The following TOGARAM1 variants were observed in gnomAD, a reference collection of about 807,000 sequenced individuals.
TOGARAM1 encodes the protein TOG array regulator of axonemal microtubules 1.
Under a neutral mutation model 166.6 loss-of-function variants are expected in TOGARAM1, and 100 were observed. That is an observed-to-expected ratio of 0.60 (90% CI 0.51 to 0.71). The LOEUF is 0.71. Among genes scored for constraint, TOGARAM1 ranks in the 30% least tolerant of loss-of-function variants. TOGARAM1 has a pLI of 0.00. For missense variants in TOGARAM1, 2,029 were observed against 2,102.7 expected (o/e 0.96, Z 0.69); for synonymous variants, 758 against 763.8 (o/e 0.99, Z 0.13).
chr14:44,981,650 A>T (rs1225963713), intron 1 of TOGARAM1, among the ~76,000 whole-genome samples: 9 of 152,168 alleles, frequency 5.9e-5, no homozygotes, highest in Non-Finnish European at 4.4e-5. Flanking sequence ...CATGCTCATT[A>T]TAGAAAATTT....
intron 11 of TOGARAM1, among the ~76,000 whole-genome samples, chr14:45,043,240 C>T (rs180857714): frequency 1.4e-3 from 213 of 151,652 alleles, no homozygotes; most frequent in Admixed American, 2.4e-3. Flanking sequence ...TGCAGTGGTG[C>T]GATCTTGGCT....
chr14:44,990,355 G>A (rs1361285331), intron 1 of TOGARAM1, among the ~76,000 whole-genome samples: 1 of 152,176 alleles, frequency 6.6e-6, no homozygotes, highest in Non-Finnish European at 1.5e-5. Context: ...ACATATCTTT[G>A]TGTATTATAT....
rs1017199239 is a variant in TOGARAM1 at position 45,068,413 on chromosome 14, T to C, written c.4750-11T>C. ...CATTTTACTTTAAATAATTTACCAA[T>C]TTATTTTCAGATTTTTGATGCTTTT... On this transcript the variant is annotated splice_polypyrimidine_tract_variant and intron_variant, in intron 17 of 19. Transcript: ENST00000361462. 3 of 1,567,994 alleles carry C rather than the reference T, an allele frequency of 1.9e-6. No individual in the cohort carries two copies. Among genetic ancestry groups the C allele is most frequent in the Admixed American group, 3.5e-5 (2 of 57,264 alleles).
rs781263117 is a variant in TOGARAM1, at chr14:44,964,098, A to G, written c.1677A>G (p.Gln559=). The stretch of plus-strand genomic sequence containing the variant: ...AAGCTGTGGATACAGTTGAACTGCA[A>G]GATAATGGAGATGGAGTGATGAATG... ...LFKAVDTVEL[Q]DNGDGVMNAV... The change falls in exon 1 of 20, where the codon CAA becomes CAG. Residue 559 remains glutamine, a synonymous_variant. Transcript: ENST00000361462. 3.7e-6 allele frequency: 6 copies of G among 1,614,236 alleles called. No homozygotes were observed. Among genetic ancestry groups the G allele is most frequent in the Non-Finnish European group, 5.1e-6 (6 of 1,180,048 alleles).
intron 7 of TOGARAM1, among the ~76,000 whole-genome samples, chr14:45,025,042 A>G (rs947254466): frequency 6.6e-6 from 1 of 152,234 alleles, no homozygotes; most frequent in African/African-American, 2.4e-5. Context: ...TCAAAACTAG[A>G]CATAGATCCT....
In TOGARAM1 at chr14:45,004,084, A is replaced by G; in HGVS notation, c.2362A>G (p.Ser788Gly). Residue 788 changes from serine (S) to glycine (G), a missense_variant, in exon 4 of 20, where the codon AGT becomes GGT. By Grantham distance (56) the Ser-to-Gly change is moderately conservative. Around this residue, in one of 2 missense-constraint regions of TOGARAM1, gnomAD observed 1,453 missense variants for 1,432.2 expected, o/e 1.01. Transcript: ENST00000361462. ...EKVYASLNFG[S>G]KTQQTFGSQT... Reference sequence around the variant, plus strand: ...AGTGTATGCTAGCCTCAATTTTGGCAGTAAGACACAGCAAACATTTGGTAG... The same window carrying G: ...AGTGTATGCTAGCCTCAATTTTGGCGGTAAGACACAGCAAACATTTGGTAG... 1 of 1,614,040 alleles carries G rather than the reference A, an allele frequency of 6.2e-7. No homozygotes were observed. Among genetic ancestry groups the G allele is most frequent in the Non-Finnish European group, 8.5e-7 (1 of 1,179,962 alleles).
chr14:44,997,395 A>T (rs1249796906), intron 2 of TOGARAM1: 3 of 127,424 alleles, frequency 2.4e-5, no homozygotes, highest in African/African-American at 9.7e-5. Flanking sequence ...ACAAAGCAAG[A>T]CTCCATCTCA....
intron 1 of TOGARAM1, among the ~76,000 whole-genome samples, chr14:44,984,914 G>A (rs1219789258): frequency 6.6e-6 from 1 of 152,064 alleles, no homozygotes; most frequent in Non-Finnish European, 1.5e-5. Context: ...TTTGTACCTA[G>A]GAAAATGTCA....
At chr14:45,012,191 T>C (rs1336120186) in intron 7 of TOGARAM1, 116 bp downstream of exon 7, 3 of 613,604 alleles carry the variant, frequency 4.9e-6, no homozygotes, top group Non-Finnish European at 2.7e-6. Context: ...TTAAGACTAA[T>C]CATTTTTTTA....
At chr14:44,966,734 G>C (rs890855704) in intron 1 of TOGARAM1, among the ~76,000 whole-genome samples, 6 of 151,506 alleles carry the variant, frequency 4.0e-5, no homozygotes, top group African/African-American at 1.5e-4. Context: ...TTGGACGATT[G>C]CTTGAGGCCA....
chr14:45,006,098 C>T lies in TOGARAM1; in HGVS notation c.2735C>T (p.Pro912Leu). 1 of 1,613,912 alleles carries T rather than the reference C, an allele frequency of 6.2e-7. No homozygotes were observed. The highest frequency in any genetic ancestry group is 8.5e-7 in the Non-Finnish European group (1 of 1,179,874). The part of the protein sequence containing the change: ...SSRRGLNGTK[P>L]VPPIPRGISL... ...CGACGAGGTCTAAATGGGACAAAGCCTGTTCCTCCCATACCAAGGGGAATA... is the reference window on the plus strand; with the variant it reads ...CGACGAGGTCTAAATGGGACAAAGCTTGTTCCTCCCATACCAAGGGGAATA... Residue 912 changes from proline (P) to leucine (L), a missense_variant, in exon 5 of 20, where the codon CCT (proline) becomes CTT (leucine). Pro to Leu is a moderately conservative substitution (Grantham distance 98). Transcript: ENST00000361462.
At chr14:45,045,543 G>GTGTA (rs1457434775) in intron 13 of TOGARAM1, among the ~76,000 whole-genome samples, 31 of 38,888 alleles carry the variant, frequency 8.0e-4, no homozygotes, top group Non-Finnish European at 9.9e-4. Flanking sequence ...GTCTGTGTGT[G>GTGTA]TATATATATA....
chr14:44,967,465 C>T (rs1279013421), intron 1 of TOGARAM1, among the ~76,000 whole-genome samples: 3 of 152,130 alleles, frequency 2.0e-5, no homozygotes, highest in Non-Finnish European at 4.4e-5. Flanking sequence ...ATTCCACAGT[C>T]AGAATTTTGT....
At position 45,017,759 on chromosome 14, in the gene TOGARAM1, C is replaced by T. The variant is rs112966181; in HGVS notation, c.3238+5684C>T. ...ACTTAGCTGAGCGTGGTGGCAGGCA[C>T]CTGTAATCCCAGCTGCTCAGGAGGC... On this transcript the variant is annotated intron_variant, in intron 7 of 19. Transcript: ENST00000361462. Among the ~76,000 whole-genome samples, 69 of 152,264 alleles carry T rather than the reference C, an allele frequency of 4.5e-4. 3 individuals carry two copies. The highest frequency in any genetic ancestry group is 1.4e-3 in the African/African-American group (60 of 41,550).
intron 17 of TOGARAM1, 136 bp downstream of exon 17, chr14:45,066,903 C>T: frequency 1.8e-6 from 1 of 543,128 alleles, no homozygotes; most frequent in Non-Finnish European, 3.2e-6. Flanking sequence ...GGCAACATAG[C>T]AAGACCCTGT....
At chr14:45,013,935 C>T (rs1466813153) in intron 7 of TOGARAM1, among the ~76,000 whole-genome samples, 2 of 151,944 alleles carry the variant, frequency 1.3e-5, no homozygotes, top group African/African-American at 4.8e-5. Flanking sequence ...CCCTTGTGAC[C>T]CTAGTCGTGT....
chr14:45,060,059 C>T (rs952491425), intron 16 of TOGARAM1, among the ~76,000 whole-genome samples: 14 of 150,990 alleles, frequency 9.3e-5, no homozygotes, highest in African/African-American at 2.7e-4. Flanking sequence ...ACTACAGGCA[C>T]CCGCCACCAC....
intron 1 of TOGARAM1, among the ~76,000 whole-genome samples, chr14:44,980,874 A>C (rs1192149768): frequency 1.3e-5 from 2 of 152,198 alleles, no homozygotes; most frequent in Non-Finnish European, 2.9e-5. Flanking sequence ...TAGAAAAATT[A>C]ATCACAAAAG....
At chr14:45,062,056 A>G (rs1004221986) in intron 16 of TOGARAM1, among the ~76,000 whole-genome samples, 2 of 152,122 alleles carry the variant, frequency 1.3e-5, no homozygotes, top group Non-Finnish European at 2.9e-5. Flanking sequence ...CATGTGTTCT[A>G]TATTACTGAC....
Sources: gnomAD v4.1 joint callset for allele counts (sites outside exome capture counted in the v4.1 genomes callset) on GRCh38, gnomAD v4.1.1 for gene constraint, gnomAD v4.1.1 regional missense constraint, MANE v1.5 for transcripts, NCBI Gene and HGNC (gene_info 2026-07-23, HGNC 2026-07-21) for gene names.